The following DPP4 variants were observed in gnomAD, a reference collection of about 807,000 sequenced individuals.
The protein encoded by DPP4 is ADCP-2.
DPP4 carries 93 observed loss-of-function variants against 122.4 expected under a neutral mutation model. The ratio of observed to expected loss-of-function variants is 0.76; its 90% CI spans 0.64 to 0.90. DPP4 has a LOEUF of 0.90. Among genes scored for constraint, DPP4 ranks in the 40% least tolerant of loss-of-function variants. The pLI is 0.00. For missense variants in DPP4, 914 were observed against 907.3 expected (o/e 1.01, Z -0.09); for synonymous variants, 321 against 302.9 (o/e 1.06, Z -0.62).
intron 9 of DPP4, among the ~76,000 whole-genome samples, chr2:162,034,339 A>T (rs1455770690): frequency 6.6e-6 from 1 of 152,224 alleles, no homozygotes; most frequent in Non-Finnish European, 1.5e-5. Context: ...CTCATCAAAA[A>T]ATAACATTCC....
rs369761299 is a variant in DPP4 at position 162,012,852 on chromosome 2, C to G, written c.1638-865G>C. On this transcript the variant is annotated intron_variant, in intron 19 of 25. Coordinates refer to ENST00000360534, the MANE Select transcript of DPP4 (RefSeq NM_001935.4). ...ATCTCTCCACTCATCTGCTTACTGT[C>G]CCTGCACAGGATAGGACAAGTTCTG... Among the ~76,000 whole-genome samples, 14 of 152,200 alleles carry G rather than the reference C, an allele frequency of 9.2e-5. No homozygotes were observed. In the East Asian group the frequency reaches 2.7e-3, roughly 29 times the overall value.
intron 16 of DPP4, 170 bp from the exon 17 acceptor site, chr2:162,017,325 T>C: frequency 1.7e-6 from 1 of 597,986 alleles, no homozygotes; most frequent in Non-Finnish European, 2.9e-6. Context: ...TCCCCCTCTC[T>C]TTAAAATAGT....
In DPP4 at chr2:162,020,245, G is replaced by C. The variant is rs138404587; in HGVS notation, c.1228C>G (p.Leu410Val). 2.9e-5 allele frequency: 47 copies of C among 1,609,462 alleles called. No homozygotes were observed. The highest frequency in any genetic ancestry group is 1.7e-4 in the Middle Eastern group (1 of 6,052). The change falls in exon 14 of 26, where the codon CTA becomes GTA. Residue 410 changes from leucine (L) to valine (V), a missense_variant. Leu to Val is a conservative substitution (Grantham distance 32, BLOSUM62 1). Transcript: ENST00000360534. ...AATACTCACAGATAATCACTGGTTAGAGCTTCTATCCCGATGACTTCCCAG... is the reference window on the plus strand; with the variant it reads ...AATACTCACAGATAATCACTGGTTACAGCTTCTATCCCGATGACTTCCCAG... ...GTWEVIGIEA[L>V]TSDYLYYISN...
intron 12 of DPP4, 55 bp from the exon 13 acceptor site, chr2:162,020,743 C>T (rs1016904781): frequency 4.2e-5 from 57 of 1,348,374 alleles, no homozygotes; most frequent in Non-Finnish European, 5.2e-5. Context: ...CATCTCAGTA[C>T]CAACTTTAGT....
rs202076226 is a variant in DPP4 at position 162,018,874 on chromosome 2, A to C, written c.1299-24T>G. ...TTCTGTAAAACCAACGGTGGAAATT[A>C]AGTGCTTGAAGAAAAGATAAGTGAG... is the stretch of plus-strand genomic sequence containing the variant. On this transcript the variant is annotated intron_variant, in intron 15 of 25. Coordinates refer to ENST00000360534, the MANE Select transcript of DPP4 (RefSeq NM_001935.4). 7.2e-5 allele frequency: 116 copies of C among 1,612,592 alleles called. 1 individual carries two copies. In the South Asian group the frequency reaches 1.3e-3, roughly 17 times the overall value.
At chr2:162,015,477 A>G (rs577457393) in intron 18 of DPP4, among the ~76,000 whole-genome samples, 1 of 151,874 alleles carries the variant, frequency 6.6e-6, no homozygotes, top group Non-Finnish European at 1.5e-5. Flanking sequence ...TTTTTAATGA[A>G]TATGCAAAAC....
chr2:162,065,908 T>C (rs749300053), intron 2 of DPP4, among the ~76,000 whole-genome samples: 2 of 152,172 alleles, frequency 1.3e-5, no homozygotes, highest in Admixed American at 6.5e-5. Context: ...TTTCTATCCC[T>C]AGGGACCCAC....
At chr2:162,022,702 A>G in intron 12 of DPP4, 53 bp downstream of exon 12, 1 of 1,568,498 alleles carries the variant, frequency 6.4e-7, no homozygotes, top group Non-Finnish European at 8.8e-7. Context: ...GCTGCATATC[A>G]AATAGCTGAG....
intron 25 of DPP4, among the ~76,000 whole-genome samples, chr2:161,994,658 G>C (rs963734759): frequency 6.6e-6 from 1 of 152,086 alleles, no homozygotes; most frequent in South Asian, 2.1e-4. Context: ...CACATTTACT[G>C]AACAAGTGAT....
chr2:162,000,374 G>A (rs990504532), intron 23 of DPP4, among the ~76,000 whole-genome samples: 1 of 152,130 alleles, frequency 6.6e-6, no homozygotes, highest in Non-Finnish European at 1.5e-5. Context: ...GGGATGCCAA[G>A]GAGAGAGCTC....
At chr2:162,024,963 G>T in intron 10 of DPP4, 24 bp from the exon 11 acceptor site, 1 of 1,608,922 alleles carries the variant, frequency 6.2e-7, no homozygotes. Context: ...AGAAAGGAAG[G>T]ACAGAGAGAG....
Position 162,049,068 on chromosome 2 carries a change from C to T in DPP4, c.95-1567G>A, listed in dbSNP as rs113331352. ...TTTCTCAAATCCTCTACTTTTTCCA[C>T]ATACACACAAACATACACTCACAAA... On this transcript the variant is annotated intron_variant, in intron 2 of 25. Transcript: ENST00000360534. Among the ~76,000 whole-genome samples the T allele has an allele frequency of 2.7e-3, 411 of 152,264 alleles. 2 individuals carry two copies. Among genetic ancestry groups the T allele is most frequent in the African/African-American group, 9.2e-3 (381 of 41,558 alleles).
rs34282135 is a variant in DPP4, at chr2:162,020,303, G to GTTT, written c.1177-10_1177-8dup. The stretch of plus-strand genomic sequence containing the variant: ...TTGTAATAAATGTGCAGTCCTGATG[G>GTTT]TTTTTTTTTTTTTTCAAAAAAAAAA... On this transcript the variant is annotated splice_polypyrimidine_tract_variant and splice_region_variant and intron_variant, in intron 13 of 25. Coordinates refer to ENST00000360534, the MANE Select transcript of DPP4 (RefSeq NM_001935.4). 0.045 allele frequency: 52,858 copies of GTTT among 1,179,272 alleles called. 297 individuals are homozygous for GTTT. Among genetic ancestry groups the GTTT allele is most frequent in the East Asian group, 0.1 (3,601 of 34,714 alleles). The allele number at this position is 1,179,272 out of a possible 1,614,324, so 73.1% of individuals were successfully genotyped here.
At chr2:162,031,736 G>C (rs753540962) in intron 10 of DPP4, among the ~76,000 whole-genome samples, 1 of 151,990 alleles carries the variant, frequency 6.6e-6, no homozygotes, top group Admixed American at 6.5e-5. Flanking sequence ...TCTATTGCTC[G>C]TATCTCTCTT....
intron 18 of DPP4, among the ~76,000 whole-genome samples, chr2:162,016,338 C>T (rs1446703142): frequency 6.6e-6 from 1 of 152,148 alleles, no homozygotes; most frequent in Non-Finnish European, 1.5e-5. Context: ...TGGAAAAGTT[C>T]AAAATTTATC....
Position 162,073,467 on chromosome 2 carries a change from A to T in DPP4, c.26T>A (p.Leu9Gln). The change falls in exon 2 of 26, where the codon CTG (leucine) becomes CAG (glutamine). Residue 9 changes from leucine to glutamine, a missense_variant. Physicochemically the swap from Leu to Gln is moderately radical, Grantham distance 113. Transcript: ENST00000360534. Reference protein sequence around the residue: MKTPWKVLLGLLGAAALVT... With the variant: MKTPWKVLQGLLGAAALVT... ...AAGCGCAGCAGCACCCAGCAGTCCC[A>T]GAAGAACCTTCCACGGTGTCTGCAA... 4 of 1,613,960 alleles carry T rather than the reference A, an allele frequency of 2.5e-6. No homozygotes were observed. Among genetic ancestry groups the T allele is most frequent in the Non-Finnish European group, 3.4e-6 (4 of 1,179,922 alleles).
rs530194107 is a variant in DPP4, at chr2:162,010,696, C to A, written c.1832+1097G>T. Among the ~76,000 whole-genome samples the A allele has an allele frequency of 2.6e-5, 4 of 152,284 alleles. No individual in the cohort carries two copies. In the East Asian group the frequency reaches 7.7e-4, roughly 29 times the overall value. ...TTTTAAAATATCAAAGCCTCACTCT[C>A]AAACAAATGTATCCCCTGTTTATTC... On this transcript the variant is annotated intron_variant, in intron 20 of 25. Coordinates refer to ENST00000360534, the MANE Select transcript of DPP4 (RefSeq NM_001935.4).
intron 2 of DPP4, among the ~76,000 whole-genome samples, chr2:162,052,734 A>G (rs1371901713): frequency 6.6e-6 from 1 of 152,218 alleles, no homozygotes; most frequent in East Asian, 1.9e-4. Flanking sequence ...GTTAAACACA[A>G]TTCTGGCGAG....
At chr2:162,061,510 ACTTT>A (rs1268303310) in intron 2 of DPP4, among the ~76,000 whole-genome samples, 1 of 152,210 alleles carries the variant, frequency 6.6e-6, no homozygotes, top group Non-Finnish European at 1.5e-5. Flanking sequence ...TTAAGTACTT[ACTTT>A]AACAGTCTTT....
Sources: gnomAD v4.1 joint callset for allele counts (sites outside exome capture counted in the v4.1 genomes callset) on GRCh38, gnomAD v4.1.1 for gene constraint, MANE v1.5 for transcripts, NCBI Gene and HGNC (gene_info 2026-07-23, HGNC 2026-07-21) for gene names.